The following THOC2 variants were observed in gnomAD, a reference collection of about 807,000 sequenced individuals.
THOC2 encodes THO complex subunit 2.
Under a neutral mutation model 128.4 loss-of-function variants are expected in THOC2, and 10 were observed. The ratio of observed to expected loss-of-function variants is 0.08; its 90% confidence interval spans 0.05 to 0.13. The LOEUF (loss-of-function observed/expected upper bound fraction) is 0.13, where lower values mean the gene tolerates loss of function less well. Among genes scored for constraint, THOC2 ranks in the 10% least tolerant of loss-of-function variants. The pLI is 1.00. For missense variants in THOC2, 535 were observed against 1,155.7 expected, an observed-to-expected ratio of 0.46 and a Z score of 7.79; for synonymous variants, 393 against 396.9, an observed-to-expected ratio of 0.99 and a Z score of 0.12.
intron 1 of THOC2, among the ~76,000 whole-genome samples, chrX:123,713,848 A>AAAAAAAGG (rs886698448): frequency 3.6e-5 from 4 of 110,469 alleles, no homozygotes; most frequent in Middle Eastern, 4.6e-3. Context: ...CAGGAAAAAA[A>AAAAAAAGG]AAAAAAGGAA....
chrX:123,678,186 G>A (rs1381821029), intron 8 of THOC2, among the ~76,000 whole-genome samples: 1 of 110,914 alleles, frequency 9.0e-6, no homozygotes, highest in African/African-American at 3.3e-5. Flanking sequence ...TCACAGATTC[G>A]CTTGTAAGCA....
At chrX:123,630,612 CAAAAAAAAA>C (rs57639724) in intron 22 of THOC2, among the ~76,000 whole-genome samples, 2 of 16,072 alleles carry the variant, frequency 1.2e-4, no homozygotes, top group East Asian at 2.3e-3. Context: ...GACTCCATCT[CAAAAAAAAA>C]AAAAAAAAAA....
At chrX:123,632,642 T>C (rs1009730920) in intron 21 of THOC2, among the ~76,000 whole-genome samples, 3 of 111,385 alleles carry the variant, frequency 2.7e-5, no homozygotes, top group Non-Finnish European at 5.6e-5. Flanking sequence ...TGATGTAATA[T>C]TTAATTAATT....
At chrX:123,625,632 A>G (rs1234292133) in intron 25 of THOC2, among the ~76,000 whole-genome samples, 1 of 110,272 alleles carries the variant, frequency 9.1e-6, no homozygotes, top group African/African-American at 3.3e-5. Context: ...TTGAGTGCCT[A>G]TTACATATCA....
Position 123,700,522 on chromosome X carries a change from C to CG in THOC2, c.275-2772dup, listed in dbSNP as rs1290219537. ...ATTCTCGGGGCGGGGCTGGGGGCGGCGGGGGGGAGGTGGTGAGGGGGTGGG... is the reference window on the plus strand; with the variant it reads ...ATTCTCGGGGCGGGGCTGGGGGCGGCGGGGGGGGAGGTGGTGAGGGGGTGGG... On this transcript the variant is annotated intron_variant, in intron 4 of 38. Coordinates refer to ENST00000245838, the MANE Select transcript of THOC2 (RefSeq NM_001081550.2). 8.1e-3 allele frequency among the ~76,000 whole-genome samples: 36 copies of CG among 4,468 alleles called. No individual in the cohort carries two copies. The East Asian group carries it at 0.12, about 15-fold the overall frequency. 3.9% of individuals were successfully genotyped at this position (4,468 alleles called of 115,157 possible).
chrX:123,691,502 A>T (rs1314476818), intron 7 of THOC2, among the ~76,000 whole-genome samples: 1 of 111,714 alleles, frequency 9.0e-6, no homozygotes, highest in African/African-American at 3.3e-5. Flanking sequence ...AATGTCCCAT[A>T]ATCTATCCAA....
At chrX:123,662,155 T>C (rs2048857769) in intron 12 of THOC2, among the ~76,000 whole-genome samples, 1 of 112,168 alleles carries the variant, frequency 8.9e-6, no homozygotes, top group Admixed American at 9.5e-5. Flanking sequence ...CACCCTGCAT[T>C]TGTCCTTTTT....
intron 22 of THOC2, among the ~76,000 whole-genome samples, chrX:123,630,737 A>G (rs1366507831): frequency 9.0e-6 from 1 of 111,062 alleles, no homozygotes; most frequent in Admixed American, 9.6e-5. Context: ...CACTCTCTCA[A>G]CGAAGGCTCT....
chrX:123,631,229 A>G (rs2047470621), intron 22 of THOC2, among the ~76,000 whole-genome samples: 1 of 112,042 alleles, frequency 8.9e-6, no homozygotes, highest in African/African-American at 3.2e-5. Flanking sequence ...AGACTGATCT[A>G]CCATGGGGTG....
At chrX:123,663,717 C>T (rs1409764694) in intron 12 of THOC2, among the ~76,000 whole-genome samples, 2 of 109,107 alleles carry the variant, frequency 1.8e-5, no homozygotes, top group Non-Finnish European at 3.8e-5. Context: ...GTGTGCTGCA[C>T]CCATTAACTA....
At chrX:123,653,023 T>C (rs1005080668) in intron 12 of THOC2, among the ~76,000 whole-genome samples, 2 of 111,596 alleles carry the variant, frequency 1.8e-5, no homozygotes, top group African/African-American at 6.5e-5. Flanking sequence ...CTTCAAACTA[T>C]ACTACAAGGC....
Position 123,608,362 on chromosome X carries a change from T to C in THOC2, c.*18+2556A>G, listed in dbSNP as rs1445726170. Reference sequence around the variant, plus strand: ...ATTGCAGTGAACCAAGATTGCACCATTGCACTCCAGCCTGGGCGACAGAGT... The same window carrying C: ...ATTGCAGTGAACCAAGATTGCACCACTGCACTCCAGCCTGGGCGACAGAGT... On this transcript the variant is annotated intron_variant, in intron 38 of 38. Transcript: ENST00000245838. 8.3e-5 allele frequency among the ~76,000 whole-genome samples: 9 copies of C among 108,149 alleles called. No individual in the cohort carries two copies. The East Asian group carries it at 1.5e-3, about 18-fold the overall frequency. The allele number at this position is 108,149 out of a possible 115,157, so 93.9% of individuals were successfully genotyped here. A position where few individuals can be genotyped will look rare whatever the true frequency, so the allele number is the denominator to read the frequency against.
intron 2 of THOC2, among the ~76,000 whole-genome samples, chrX:123,709,441 A>G (rs945013296): frequency 9.1e-6 from 1 of 110,483 alleles, no homozygotes; most frequent in Non-Finnish European, 1.9e-5. Flanking sequence ...AATACAAAAA[A>G]TTAGCCGGGC....
chrX:123,601,720 T>C (rs1215060053), intron 38 of THOC2: 1 of 107,551 alleles, frequency 9.3e-6, no homozygotes, highest in Non-Finnish European at 1.9e-5. Context: ...GAACATTGTG[T>C]GCGTGTGGGA....
intron 7 of THOC2, among the ~76,000 whole-genome samples, chrX:123,686,926 T>C (rs1203706586): frequency 2.7e-5 from 3 of 111,862 alleles, no homozygotes; most frequent in Non-Finnish European, 3.8e-5. Context: ...ACAGAACGGG[T>C]TAATGACAGA....
chrX:123,648,013 G>A (rs1428638612), intron 12 of THOC2, among the ~76,000 whole-genome samples: 1 of 111,033 alleles, frequency 9.0e-6, no homozygotes, highest in Non-Finnish European at 1.9e-5. Flanking sequence ...TTCGGTGGCT[G>A]GCAAGAAAGC....
At chrX:123,637,159 A>C (rs2047704678) in intron 18 of THOC2, among the ~76,000 whole-genome samples, 1 of 111,655 alleles carries the variant, frequency 9.0e-6, no homozygotes, top group African/African-American at 3.3e-5. Context: ...GGAAAAGATG[A>C]GGCTAGAACA....
At chrX:123,684,043 CA>C (rs200710272) in intron 8 of THOC2, among the ~76,000 whole-genome samples, 35 of 98,388 alleles carry the variant, frequency 3.6e-4, no homozygotes, top group Admixed American at 7.7e-4. Flanking sequence ...TCGTTGTCTA[CA>C]AAAAAAAAAA....
chrX:123,651,935 C>T (rs2048375762), intron 12 of THOC2, among the ~76,000 whole-genome samples: 1 of 111,539 alleles, frequency 9.0e-6, no homozygotes, highest in South Asian at 3.8e-4. Context: ...GGGACACCAC[C>T]CTAGCTCATT....
Sources: gnomAD v4.1 joint callset for allele counts (sites outside exome capture counted in the v4.1 genomes callset) on GRCh38, gnomAD v4.1.1 for gene constraint, MANE v1.5 for transcripts, NCBI Gene and HGNC (gene_info 2026-07-23, HGNC 2026-07-21) for gene names.